Variants in POLR2B observed in about 807,000 individuals in gnomAD.
The protein encoded by POLR2B is RNA polymerase II subunit B.
POLR2B carries 57 observed loss-of-function variants against 144.6 expected under a neutral mutation model. That is an observed-to-expected ratio of 0.39 (90% CI 0.32 to 0.49). POLR2B has a LOEUF of 0.49. Among genes scored for constraint, POLR2B ranks in the 20% least tolerant of loss-of-function variants. POLR2B has a pLI of 0.83. For missense variants in POLR2B, 595 were observed against 1,467.4 expected (o/e 0.41, Z 9.71); for synonymous variants, 442 against 469.8 (o/e 0.94, Z 0.77).
intron 7 of POLR2B, 117 bp from the exon 8 acceptor site, chr4:57,005,129 C>T: frequency 1.9e-6 from 1 of 521,512 alleles, no homozygotes; most frequent in Non-Finnish European, 3.2e-6. Flanking sequence ...TAAAAATACT[C>T]ACATATTTTA....
At chr4:57,008,822 T>G (rs1462023072) in intron 10 of POLR2B, among the ~76,000 whole-genome samples, 3 of 152,104 alleles carry the variant, frequency 2.0e-5, no homozygotes, top group Non-Finnish European at 4.4e-5. Context: ...TAAGAGAGCT[T>G]AGAGAACTTC....
At position 57,023,931 on chromosome 4, in the gene POLR2B, G is replaced by T. The variant is rs893747434; in HGVS notation, c.2857-74G>T. 1.1e-6 allele frequency: 1 copy of T among 881,696 alleles called. No individual in the cohort carries two copies. Among genetic ancestry groups the T allele is most frequent in the Admixed American group, 2.5e-5 (1 of 40,766 alleles). The allele number at this position is 881,696 out of a possible 1,614,324, so 54.6% of individuals were successfully genotyped here. On this transcript the variant is annotated intron_variant, in intron 20 of 24. Transcript: ENST00000314595. The surrounding 1 kb of genome is among the most constrained non-coding windows in gnomAD (Gnocchi z 4.3). ...AGAATTTGGGACATACAGTAATTCAGTTGGGAGAACTGAAATGTCAGTTCT... is the reference window on the plus strand; with the variant it reads ...AGAATTTGGGACATACAGTAATTCATTTGGGAGAACTGAAATGTCAGTTCT...
chr4:56,993,998 G>A (rs1314975858), intron 3 of POLR2B, among the ~76,000 whole-genome samples: 2 of 152,166 alleles, frequency 1.3e-5, no homozygotes, highest in African/African-American at 4.8e-5. Flanking sequence ...TAAACTCAGA[G>A]CACATGATGT....
intron 1 of POLR2B, chr4:56,985,407 G>A: frequency 1.0e-6 from 1 of 985,286 alleles, no homozygotes; most frequent in Non-Finnish European, 1.2e-6. Context: ...TGGCGAGGCG[G>A]GGATGGCACT....
Position 57,031,049 on chromosome 4 carries a change from C to A in POLR2B, c.*61C>A. On this transcript the variant is annotated 3_prime_UTR_variant, in exon 25 of 25. Coordinates refer to ENST00000314595, the MANE Select transcript of POLR2B (RefSeq NM_000938.3). ...TTGGTGTCTTGTTTCTATTGTGTGG[C>A]TTTTTAAAAATGACAAATATGTACT... 9.3e-7 allele frequency: 1 copy of A among 1,076,740 alleles called. No individual in the cohort carries two copies. The highest frequency in any genetic ancestry group is 1.4e-6 in the Non-Finnish European group (1 of 693,536). 66.7% of individuals were successfully genotyped at this position (1,076,740 alleles called of 1,614,324 possible). A position where few individuals can be genotyped will look rare whatever the true frequency, so the allele number is the denominator to read the frequency against.
intron 2 of POLR2B, among the ~76,000 whole-genome samples, chr4:56,989,794 C>T (rs915840702): frequency 1.3e-5 from 2 of 152,166 alleles, no homozygotes; most frequent in African/African-American, 4.8e-5. Context: ...TGATGCCCAG[C>T]TTTGCAGCTG....
chr4:57,017,510 A>G lies in POLR2B; in HGVS notation c.2155-50A>G. ...TTGATTTATTGTCAGAGTCTTTTCC[A>G]TTAGTGATAGTAACTTTTTGTTGTT... On this transcript the variant is annotated intron_variant, in intron 15 of 24. Coordinates refer to ENST00000314595, the MANE Select transcript of POLR2B (RefSeq NM_000938.3). The surrounding 1 kb of genome is among the most constrained non-coding windows in gnomAD (Gnocchi z 4.8). The G allele has an allele frequency of 3.5e-6, 5 of 1,416,780 alleles. No individual in the cohort carries two copies. Among genetic ancestry groups the G allele is most frequent in the Non-Finnish European group, 4.8e-6 (5 of 1,039,482 alleles). The allele number at this position is 1,416,780 out of a possible 1,614,324, so 87.8% of individuals were successfully genotyped here.
In POLR2B at chr4:57,023,392, G is replaced by T; in HGVS notation, c.2578G>T (p.Val860Leu). 1 of 1,613,788 alleles carries T rather than the reference G, an allele frequency of 6.2e-7. No individual in the cohort carries two copies. The change falls in exon 19 of 25, where the codon GTA (valine) becomes TTA (leucine). Residue 860 changes from valine to leucine, a missense_variant. By Grantham distance (32) the Val-to-Leu change is conservative (BLOSUM62 1). This residue lies in a region of POLR2B where 75 missense variants were observed against 100.0 expected (regional missense o/e 0.75). Coordinates refer to ENST00000314595, the MANE Select transcript of POLR2B (RefSeq NM_000938.3). This position sits in a 1 kb window ranked among gnomAD's most constrained non-coding sequence, Gnocchi z 4.3. Reference sequence around the variant, plus strand: ...TGGTTTGATAGCTCCAGGGGTTCGTGTATCAGGAGATGATGTTATTATAGG... The same window carrying T: ...TGGTTTGATAGCTCCAGGGGTTCGTTTATCAGGAGATGATGTTATTATAGG... ...DDGLIAPGVR[V>L]SGDDVIIGKT...
chr4:57,028,032 C>A (rs1316171052), intron 23 of POLR2B, among the ~76,000 whole-genome samples: 1 of 152,172 alleles, frequency 6.6e-6, no homozygotes, highest in Non-Finnish European at 1.5e-5. Context: ...TCCTCAAAGA[C>A]TTACTTTTTT....
chr4:57,007,024 A>G (rs1457235423), intron 10 of POLR2B, 22 bp downstream of exon 10: 1 of 1,532,018 alleles, frequency 6.5e-7, no homozygotes, highest in African/African-American at 1.4e-5. Context: ...AACTATGACT[A>G]CAGGCTCAAT....
rs200956967 is a variant in POLR2B at position 57,022,417 on chromosome 4, CAT to C, written c.2515+172_2515+173del. 6.2e-3 allele frequency among the ~76,000 whole-genome samples: 947 copies of C among 152,166 alleles called. 9 individuals are homozygous for C. The highest frequency in any genetic ancestry group is 0.021 in the African/African-American group (880 of 41,534). On this transcript the variant is annotated intron_variant, in intron 18 of 24. Coordinates refer to ENST00000314595, the MANE Select transcript of POLR2B (RefSeq NM_000938.3). ...TTCTTAGAGTTCACATCTAAGAAAA[CAT>C]GTGTATTTGATAAAAGTCTTTGCAC...
rs367910937 is a variant in POLR2B at position 56,995,231 on chromosome 4, C to T, written c.577-20C>T. The T allele has an allele frequency of 1.8e-5, 28 of 1,577,462 alleles. No individual in the cohort carries two copies. Among genetic ancestry groups the T allele is most frequent in the Non-Finnish European group, 2.2e-5 (26 of 1,155,964 alleles). On this transcript the variant is annotated intron_variant, in intron 5 of 24. Coordinates refer to ENST00000314595, the MANE Select transcript of POLR2B (RefSeq NM_000938.3). ...GATGTTTTGGATTTTATGGCTGTAA[C>T]TTTCTTATTGTCCAAATAGGTTCTG...
chr4:56,994,394 T>C lies in POLR2B; in HGVS notation c.244-10T>C. 1 of 1,447,800 alleles carries C rather than the reference T, an allele frequency of 6.9e-7. No individual in the cohort carries two copies. 89.7% of individuals were successfully genotyped at this position (1,447,800 alleles called of 1,614,324 possible). ...ATTTACCCTTTTCATGTTTTTTTGT[T>C]TAATTTCAGCCACGATATTTGCTGA... On this transcript the variant is annotated splice_polypyrimidine_tract_variant and intron_variant, in intron 3 of 24. Coordinates refer to ENST00000314595, the MANE Select transcript of POLR2B (RefSeq NM_000938.3).
Position 57,017,736 on chromosome 4 carries a change from C to T in POLR2B, c.2323+8C>T, listed in dbSNP as rs758887286. ...TTAGAGAGCTGCCAGCAGGTATGGT[C>T]AGTTTTGCTCTACGTTATTTAAGAT... On this transcript the variant is annotated splice_region_variant and intron_variant, in intron 16 of 24. Coordinates refer to ENST00000314595, the MANE Select transcript of POLR2B (RefSeq NM_000938.3). This position sits in a 1 kb window ranked among gnomAD's most constrained non-coding sequence, Gnocchi z 4.8. The T allele has an allele frequency of 6.2e-7, 1 of 1,607,510 alleles. No individual in the cohort carries two copies. The highest frequency in any genetic ancestry group is 2.2e-5 in the East Asian group (1 of 44,812).
At chr4:56,992,178 G>A (rs1195901276) in intron 3 of POLR2B, among the ~76,000 whole-genome samples, 1 of 152,020 alleles carries the variant, frequency 6.6e-6, no homozygotes, top group Non-Finnish European at 1.5e-5. Flanking sequence ...GAAATATTTG[G>A]TGTGGCCGGT....
Position 57,031,040 on chromosome 4 carries a change from A to C in POLR2B, c.*52A>C. The stretch of plus-strand genomic sequence containing the variant: ...TTAAATATCTTGGTGTCTTGTTTCT[A>C]TTGTGTGGCTTTTTAAAAATGACAA... On this transcript the variant is annotated 3_prime_UTR_variant, in exon 25 of 25. Coordinates refer to ENST00000314595, the MANE Select transcript of POLR2B (RefSeq NM_000938.3). 2 of 1,121,830 alleles carry C rather than the reference A, an allele frequency of 1.8e-6. No homozygotes were observed. Among genetic ancestry groups the C allele is most frequent in the Non-Finnish European group, 2.7e-6 (2 of 733,106 alleles). 69.5% of individuals were successfully genotyped at this position (1,121,830 alleles called of 1,614,324 possible).
intron 2 of POLR2B, among the ~76,000 whole-genome samples, chr4:56,990,230 GTT>G (rs546802762): frequency 6.8e-6 from 1 of 147,946 alleles, no homozygotes; most frequent in African/African-American, 2.5e-5. Flanking sequence ...AGGGCATAAA[GTT>G]TTTTTTTTTC....
At chr4:56,998,334 A>AT in intron 6 of POLR2B, among the ~76,000 whole-genome samples, 1 of 150,994 alleles carries the variant, frequency 6.6e-6, no homozygotes, top group East Asian at 2.0e-4. Flanking sequence ...AGTAGCTGGG[A>AT]TTACAGGCGT....
chr4:57,023,305 A>G lies in POLR2B; in HGVS notation c.2516-25A>G, dbSNP rs765953254. The G allele has an allele frequency of 3.1e-6, 5 of 1,611,644 alleles. No homozygotes were observed. In the African/African-American group the frequency reaches 4.0e-5, roughly 13 times the overall value. ...TTTAATCTTTGTTGGGGATTATGTGACATTCCGTGTCTATTTCCTCACAGG... is the reference window on the plus strand; with the variant it reads ...TTTAATCTTTGTTGGGGATTATGTGGCATTCCGTGTCTATTTCCTCACAGG... On this transcript the variant is annotated intron_variant, in intron 18 of 24. Coordinates refer to ENST00000314595, the MANE Select transcript of POLR2B (RefSeq NM_000938.3). This position sits in a 1 kb window ranked among gnomAD's most constrained non-coding sequence, Gnocchi z 4.3.
Sources: allele counts gnomAD v4.1 joint callset (sites outside exome capture counted in the v4.1 genomes callset), GRCh38; gene constraint gnomAD v4.1.1; regional missense constraint gnomAD v4.1.1; non-coding constraint Gnocchi (gnomAD v3.1); transcripts MANE v1.5; gene names NCBI Gene and HGNC (gene_info 2026-07-23, HGNC 2026-07-21).